Variants in TTC24 observed in about 807,000 individuals in gnomAD.
TTC24 encodes tetratricopeptide repeat domain 24, also known as tetratricopeptide repeat protein 24.
A neutral mutation model predicts 63.3 loss-of-function variants in TTC24; 54 were observed. The observed-to-expected ratio is 0.85, with a 90% CI of 0.69 to 1.07. The LOEUF is 1.07. Among genes scored for constraint, TTC24 ranks in the 50% least tolerant of loss-of-function variants. The probability of loss-of-function intolerance (pLI) is 0.00; values close to 1 mark genes in which losing one functional copy is unlikely to be tolerated. For missense variants in TTC24, 680 were observed against 730.5 expected, an observed-to-expected ratio of 0.93 and a Z score of 0.80; for synonymous variants, 276 against 304.3, an observed-to-expected ratio of 0.91 and a Z score of 0.97.
At chr1:156,584,183 A>G (rs951435533) in intron 6 of TTC24, among the ~76,000 whole-genome samples, 1 of 152,206 alleles carries the variant, frequency 6.6e-6, no homozygotes, top group Non-Finnish European at 1.5e-5. Context: ...GAAAGTTTCA[A>G]GTCCTTGACT....
In TTC24 at chr1:156,584,882, G is replaced by A. The variant is rs754388895; in HGVS notation, c.1257G>A (p.Ser419=). The stretch of plus-strand genomic sequence containing the variant: ...TTACTCCACTTCATTCCCAGACTTC[G>A]GCTCCGGGAAGACTCCAGGCTCCAG... ...VGLVQTHTLT[S]APGRLQAPGG... Residue 419 remains serine (S), a synonymous_variant, in exon 7 of 11, where the codon TCG becomes TCA. Coordinates refer to ENST00000368236, the MANE Select transcript of TTC24 (RefSeq NM_001105669.4). The A allele has an allele frequency of 1.0e-5, 16 of 1,572,954 alleles. No homozygotes were observed. Among genetic ancestry groups the A allele is most frequent in the Middle Eastern group, 3.4e-4 (2 of 5,942 alleles).
intron 1 of TTC24, among the ~76,000 whole-genome samples, 166 bp downstream of exon 1, chr1:156,579,924 A>G (rs973417053): frequency 2.6e-5 from 4 of 152,134 alleles, no homozygotes; most frequent in South Asian, 2.1e-4. Flanking sequence ...AAAAAAGGGG[A>G]AAAAAAGGAT....
chr1:156,582,004 G>C lies in TTC24; in HGVS notation c.640G>C (p.Glu214Gln). 6.7e-7 allele frequency: 1 copy of C among 1,501,172 alleles called. No homozygotes were observed. The highest frequency in any genetic ancestry group is 8.9e-7 in the Non-Finnish European group (1 of 1,127,346). The allele number at this position is 1,501,172 out of a possible 1,614,324, so 93.0% of individuals were successfully genotyped here. A position where few individuals can be genotyped will look rare whatever the true frequency, so the allele number is the denominator to read the frequency against. ...GAAGAGTGGGCGGCATCGGGTGGGG[G>C]AAGTTGTGCAGGTGCTGGAGAAAAG... ...MLKSGRHRVGEVVQVLEKSRR... is the reference protein window; with the variant it reads ...MLKSGRHRVGQVVQVLEKSRR... Residue 214 changes from glutamate (E) to glutamine (Q), a missense_variant, in exon 2 of 11, where the codon GAA (glutamate) becomes CAA (glutamine). Transcript: ENST00000368236.
In TTC24 at chr1:156,582,393, A is replaced by C; in HGVS notation, c.869A>C (p.Gln290Pro). Residue 290 changes from glutamine to proline, a missense_variant, in exon 3 of 11, where the codon CAG (glutamine) becomes CCG (proline). Transcript: ENST00000368236. ...GMAHNALGNY[Q>P]EAREFHQKAA... ...GCCCACAATGCCCTCGGCAACTATCAGGAAGCTCGGGAGTTTCACCAGAAG... is the reference window on the plus strand; with the variant it reads ...GCCCACAATGCCCTCGGCAACTATCCGGAAGCTCGGGAGTTTCACCAGAAG... The C allele has an allele frequency of 6.2e-7, 1 of 1,613,898 alleles. No individual in the cohort carries two copies. Among genetic ancestry groups the C allele is most frequent in the Non-Finnish European group, 8.5e-7 (1 of 1,179,844 alleles).
chr1:156,581,895 G>A lies in TTC24; in HGVS notation c.531G>A (p.Leu177=), dbSNP rs1677007934. Residue 177 remains leucine, a synonymous_variant, in exon 2 of 11, where the codon CTG becomes CTA. Transcript: ENST00000368236. ...LGQPELAAHC[L]QEASQAYAQE... ...AGCCTGAGCTAGCAGCCCACTGCCT[G>A]CAGGAAGCAAGCCAGGCCTATGCTC... 3.9e-6 allele frequency: 6 copies of A among 1,547,334 alleles called. No homozygotes were observed. The highest frequency in any genetic ancestry group is 4.9e-5 in the East Asian group (2 of 40,832).
rs192869620 is a variant in TTC24 at position 156,581,456 on chromosome 1, G to A, written c.92G>A (p.Arg31Gln). Residue 31 changes from arginine to glutamine, a missense_variant, in exon 2 of 11, where the codon CGG (arginine) becomes CAG (glutamine). Coordinates refer to ENST00000368236, the MANE Select transcript of TTC24 (RefSeq NM_001105669.4). ...NKKKKKRKWL[R>Q]QEASIQALTR... ...AAAAAGAAGAAAAGAAAGTGGCTGC[G>A]GCAAGAAGCCAGCATCCAAGCCCTC... The A allele has an allele frequency of 7.7e-3, 11,997 of 1,550,498 alleles. 80 individuals carry two copies. The highest frequency in any genetic ancestry group is 0.035 in the Middle Eastern group (210 of 5,980).
rs779823276 is a variant in TTC24, at chr1:156,584,914, C to G, written c.1289C>G (p.Ala430Gly). The G allele has an allele frequency of 2.5e-6, 4 of 1,600,926 alleles. No individual in the cohort carries two copies. In the Admixed American group the frequency reaches 6.9e-5, roughly 28 times the overall value. The change falls in exon 7 of 11, where the codon GCC becomes GGC. Residue 430 changes from alanine (A) to glycine (G), a missense_variant. Physicochemically the swap from Ala to Gly is moderately conservative, Grantham distance 60. Coordinates refer to ENST00000368236, the MANE Select transcript of TTC24 (RefSeq NM_001105669.4). ...APGRLQAPGGASQAEGTPAKA... is the reference protein window; with the variant it reads ...APGRLQAPGGGSQAEGTPAKA... ...GGAAGACTCCAGGCTCCAGGTGGGG[C>G]CAGCCAGGCGGAGGGGACCCCAGCA...
chr1:156,585,787 C>T lies in TTC24; in HGVS notation c.1531C>T (p.Pro511Ser). Reference protein sequence around the residue: ...SSCPTFTKHTPCRGTVLGKAS... With the variant: ...SSCPTFTKHTSCRGTVLGKAS... ...TTGCCCCACGTTTACCAAGCACACG[C>T]CCTGCAGAGGGACAGTCCTCGGCAA... The change falls in exon 9 of 11, where the codon CCC (proline) becomes TCC (serine). Residue 511 changes from proline to serine, a missense_variant. Pro to Ser is a moderately conservative substitution (Grantham distance 74). Transcript: ENST00000368236. 1 of 1,613,824 alleles carries T rather than the reference C, an allele frequency of 6.2e-7. No individual in the cohort carries two copies. The highest frequency in any genetic ancestry group is 2.2e-5 in the East Asian group (1 of 44,886).
chr1:156,585,699 T>C lies in TTC24; in HGVS notation c.1457-14T>C, dbSNP rs1021440359. On this transcript the variant is annotated splice_polypyrimidine_tract_variant and intron_variant, in intron 8 of 10. Coordinates refer to ENST00000368236, the MANE Select transcript of TTC24 (RefSeq NM_001105669.4). ...TGTTGAGCTGACCTGAATTTACCGATGTCTCCTTTTCAGTGTGTTTCCTTC... is the reference window on the plus strand; with the variant it reads ...TGTTGAGCTGACCTGAATTTACCGACGTCTCCTTTTCAGTGTGTTTCCTTC... 3.8e-6 allele frequency: 6 copies of C among 1,589,180 alleles called. No homozygotes were observed. In the African/African-American group the frequency reaches 4.0e-5, roughly 11 times the overall value.
chr1:156,586,249 G>T (rs1020151285), intron 10 of TTC24, among the ~76,000 whole-genome samples: 7 of 152,154 alleles, frequency 4.6e-5, no homozygotes, highest in African/African-American at 1.7e-4. Flanking sequence ...GAAGCCCAGG[G>T]TATGCCCTGC....
rs1348205676 is a variant in TTC24 at position 156,583,380 on chromosome 1, C to T, written c.1082C>T (p.Ala361Val). 1 of 1,612,056 alleles carries T rather than the reference C, an allele frequency of 6.2e-7. No individual in the cohort carries two copies. The highest frequency in any genetic ancestry group is 8.5e-7 in the Non-Finnish European group (1 of 1,179,236). The change falls in exon 5 of 11, where the codon GCT becomes GTT. Residue 361 changes from alanine to valine, a missense_variant. Ala to Val is a moderately conservative substitution (Grantham distance 64). Coordinates refer to ENST00000368236, the MANE Select transcript of TTC24 (RefSeq NM_001105669.4). The surrounding 1 kb of genome is among the most constrained non-coding windows in gnomAD (Gnocchi z 4.0). ...GQWQACEGLG[A>V]AAARLGQYDQ... is the part of the protein sequence containing the mutation. ...TGGCAGGCCTGTGAGGGTCTGGGGG[C>T]TGCTGCAGCCAGGCTGGGGCAGTAT... is the stretch of plus-strand genomic sequence containing the variant.
chr1:156,585,864 GT>G, intron 9 of TTC24, 38 bp downstream of exon 9: 1 of 1,596,958 alleles, frequency 6.3e-7, no homozygotes, highest in South Asian at 1.1e-5. Context: ...CCAACTCGTG[GT>G]TCTTCTCTCA....
rs1203539465 is a variant in TTC24 at position 156,583,777 on chromosome 1, A to T, written c.1153-20A>T. 1 of 1,559,400 alleles carries T rather than the reference A, an allele frequency of 6.4e-7. No homozygotes were observed. Among genetic ancestry groups the T allele is most frequent in the Non-Finnish European group, 8.7e-7 (1 of 1,151,902 alleles). On this transcript the variant is annotated intron_variant, in intron 5 of 10. Coordinates refer to ENST00000368236, the MANE Select transcript of TTC24 (RefSeq NM_001105669.4). This position sits in a 1 kb window ranked among gnomAD's most constrained non-coding sequence, Gnocchi z 4.0. ...AGGTCCAGGCATTCCCCATTACCCT[A>T]TTATCCACCCTCTTCCCAGAAGGAG... is the stretch of plus-strand genomic sequence containing the variant.
chr1:156,581,025 G>A (rs1676977111), intron 1 of TTC24, among the ~76,000 whole-genome samples: 1 of 152,148 alleles, frequency 6.6e-6, no homozygotes, highest in South Asian at 2.1e-4. Flanking sequence ...AAAGTCATCA[G>A]CTCTGACCCA....
At chr1:156,584,600 A>G (rs942823654) in intron 6 of TTC24, 4 of 347,812 alleles carry the variant, frequency 1.2e-5, no homozygotes, top group Non-Finnish European at 2.1e-5. Flanking sequence ...AATGTCTGCC[A>G]CCTATTTTCT....
At position 156,587,614 on chromosome 1, in the gene TTC24, T is replaced by C. The variant is rs1200590947; in HGVS notation, c.*1064T>C. Among the ~76,000 whole-genome samples, 2 of 152,120 alleles carry C rather than the reference T, an allele frequency of 1.3e-5. No homozygotes were observed. Among genetic ancestry groups the C allele is most frequent in the Non-Finnish European group, 2.9e-5 (2 of 68,016 alleles). On this transcript the variant is annotated 3_prime_UTR_variant, in exon 11 of 11. Coordinates refer to ENST00000368236, the MANE Select transcript of TTC24 (RefSeq NM_001105669.4). ...ACTTTGCGAGGCCAAGGTGGGAGGA[T>C]TGCTTGAGCCCAGGAGTTTGAGACC...
At chr1:156,580,295 C>T (rs1676956929) in intron 1 of TTC24, among the ~76,000 whole-genome samples, 1 of 152,260 alleles carries the variant, frequency 6.6e-6, no homozygotes, top group African/African-American at 2.4e-5. Flanking sequence ...CTAGGGTCCC[C>T]AGTGCCTAGT....
Position 156,582,387 on chromosome 1 carries a change from A to G in TTC24, c.863A>G (p.Asn288Ser), listed in dbSNP as rs1357077535. 1.2e-6 allele frequency: 2 copies of G among 1,613,890 alleles called. No individual in the cohort carries two copies. The highest frequency in any genetic ancestry group is 2.7e-5 in the African/African-American group (2 of 75,062). ...GGGATGGCCCACAATGCCCTCGGCA[A>G]CTATCAGGAAGCTCGGGAGTTTCAC... ...NLGMAHNALG[N>S]YQEAREFHQK... is the part of the protein sequence containing the mutation. The change falls in exon 3 of 11, where the codon AAC becomes AGC. Residue 288 changes from asparagine (N) to serine (S), a missense_variant. Physicochemically the swap from Asn to Ser is conservative, Grantham distance 46. Coordinates refer to ENST00000368236, the MANE Select transcript of TTC24 (RefSeq NM_001105669.4).
chr1:156,586,799 T>G lies in TTC24; in HGVS notation c.*249T>G. The G allele has an allele frequency of 5.6e-6, 2 of 358,690 alleles. No homozygotes were observed. Among genetic ancestry groups the G allele is most frequent in the Non-Finnish European group, 1.0e-5 (2 of 193,748 alleles). 22.2% of individuals were successfully genotyped at this position (358,690 alleles called of 1,614,324 possible). A position where few individuals can be genotyped will look rare whatever the true frequency, so the allele number is the denominator to read the frequency against. On this transcript the variant is annotated 3_prime_UTR_variant, in exon 11 of 11. Transcript: ENST00000368236. ...AGAAAAAAGGAAAATGGATGGCAAA[T>G]TCCCTGTCTTTCTGAATCCAAATCT...
Sources: gnomAD v4.1 joint callset for allele counts (sites outside exome capture counted in the v4.1 genomes callset) on GRCh38, gnomAD v4.1.1 for gene constraint, Gnocchi (gnomAD v3.1) non-coding constraint, MANE v1.5 for transcripts, NCBI Gene and HGNC (gene_info 2026-07-23, HGNC 2026-07-21) for gene names.